The following KLHL1 variants were observed in gnomAD, a reference collection of about 807,000 sequenced individuals.
KLHL1 encodes the protein kelch like family member 1.
KLHL1 carries 47 observed loss-of-function variants against 77.7 expected under a neutral mutation model. That is an observed-to-expected ratio of 0.60 (90% CI 0.48 to 0.77). The LOEUF (loss-of-function observed/expected upper bound fraction) is 0.77, where lower values mean the gene tolerates loss of function less well. Ranked by LOEUF, KLHL1 falls within the 30% of genes least tolerant of loss-of-function variation. KLHL1 has a pLI of 0.00. For missense variants in KLHL1, 925 were observed against 910.8 expected, an observed-to-expected ratio of 1.02 and a Z score of -0.20; for synonymous variants, 360 against 325.2, an observed-to-expected ratio of 1.11 and a Z score of -1.15.
intron 1 of KLHL1, among the ~76,000 whole-genome samples, chr13:69,987,630 C>G (rs1224552230): frequency 6.6e-6 from 1 of 151,914 alleles, no homozygotes; most frequent in Non-Finnish European, 1.5e-5. Context: ...AGAAGGACTA[C>G]TAAAGAACTC....
At chr13:70,077,755 AT>A (rs1240767633) in intron 1 of KLHL1, among the ~76,000 whole-genome samples, 1 of 152,052 alleles carries the variant, frequency 6.6e-6, no homozygotes, top group Non-Finnish European at 1.5e-5. Flanking sequence ...GCTTTTAAAA[AT>A]GTATTAATTT....
At chr13:69,869,123 A>G (rs1214243822) in intron 5 of KLHL1, among the ~76,000 whole-genome samples, 1 of 152,156 alleles carries the variant, frequency 6.6e-6, no homozygotes, top group African/African-American at 2.4e-5. Context: ...ATTGGTTGTA[A>G]TATAAAAGAA....
chr13:69,950,502 A>C (rs1473036339), intron 3 of KLHL1, among the ~76,000 whole-genome samples: 1 of 151,602 alleles, frequency 6.6e-6, no homozygotes, highest in East Asian at 1.9e-4. Context: ...ACTCTCACTA[A>C]TTTCCATGGA....
At chr13:70,052,059 T>C (rs1209551163) in intron 1 of KLHL1, among the ~76,000 whole-genome samples, 2 of 151,948 alleles carry the variant, frequency 1.3e-5, no homozygotes, top group Non-Finnish European at 2.9e-5. Context: ...AATATTTATC[T>C]TAGATCTTTA....
At chr13:69,986,077 A>G (rs1351125883) in intron 1 of KLHL1, among the ~76,000 whole-genome samples, 1 of 151,654 alleles carries the variant, frequency 6.6e-6, no homozygotes, top group African/African-American at 2.4e-5. Flanking sequence ...TAAACCAAGT[A>G]CTGAAGGACC....
intron 4 of KLHL1, among the ~76,000 whole-genome samples, chr13:69,920,787 C>A (rs1882606675): frequency 6.6e-6 from 1 of 152,020 alleles, no homozygotes; most frequent in Non-Finnish European, 1.5e-5. Context: ...AGAAGGTCAG[C>A]AAAAATATGT....
chr13:69,795,224 TTC>T (rs1237148719), intron 7 of KLHL1, among the ~76,000 whole-genome samples: 2 of 152,186 alleles, frequency 1.3e-5, no homozygotes, highest in African/African-American at 4.8e-5. Context: ...TCATCTTTCC[TTC>T]TCTCTCTCTT....
At chr13:70,057,407 A>G (rs1886767235) in intron 1 of KLHL1, among the ~76,000 whole-genome samples, 2 of 148,610 alleles carry the variant, frequency 1.3e-5, no homozygotes, top group Admixed American at 1.4e-4. Context: ...ATAAGGAGGG[A>G]ATACTTCCAA....
At chr13:69,785,403 C>T (rs1876481231) in intron 7 of KLHL1, among the ~76,000 whole-genome samples, 1 of 152,150 alleles carries the variant, frequency 6.6e-6, no homozygotes, top group South Asian at 2.1e-4. Flanking sequence ...TCCTCAATGA[C>T]TACTGGGTAC....
intron 5 of KLHL1, among the ~76,000 whole-genome samples, chr13:69,863,161 T>C (rs1880237678): frequency 6.6e-6 from 1 of 152,146 alleles, no homozygotes; most frequent in Non-Finnish European, 1.5e-5. Flanking sequence ...CTTATGTAGT[T>C]GTATTGGCAT....
intron 7 of KLHL1, among the ~76,000 whole-genome samples, chr13:69,790,429 C>T (rs1351385700): frequency 6.6e-6 from 1 of 152,104 alleles, no homozygotes; most frequent in Admixed American, 6.5e-5. Context: ...TATGAGAAAA[C>T]ATTTCCCAAT....
At chr13:69,839,198 T>A (rs201601494) in intron 5 of KLHL1, 36 bp from the exon 6 acceptor site, 2 of 1,372,170 alleles carry the variant, frequency 1.5e-6, no homozygotes, top group Non-Finnish European at 2.0e-6. Flanking sequence ...AATAATGTTT[T>A]CAAAGAGATG....
At chr13:69,867,964 G>T (rs148295240) in intron 5 of KLHL1, among the ~76,000 whole-genome samples, 15,789 of 151,710 alleles carry the variant, frequency 0.1, 1,311 homozygotes, top group African/African-American at 0.23. Flanking sequence ...TAACTAACCT[G>T]CACGTTGTGC....
At chr13:70,019,443 T>A (rs993511755) in intron 1 of KLHL1, among the ~76,000 whole-genome samples, 1 of 150,690 alleles carries the variant, frequency 6.6e-6, no homozygotes, top group Non-Finnish European at 1.5e-5. Context: ...CTTATCTCAG[T>A]GAAGAGGCAG....
intron 1 of KLHL1, among the ~76,000 whole-genome samples, chr13:69,979,943 C>G (rs932359036): frequency 6.6e-6 from 1 of 152,308 alleles, no homozygotes; most frequent in South Asian, 2.1e-4. Context: ...TCCTGACCCT[C>G]CAAATACTCC....
chr13:69,725,325 G>C (rs1195267545), intron 8 of KLHL1, among the ~76,000 whole-genome samples: 1 of 152,100 alleles, frequency 6.6e-6, no homozygotes, highest in African/African-American at 2.4e-5. Context: ...TCCCAAAGTG[G>C]AGTCCCAGTT....
At chr13:69,945,716 AAC>A (rs1233929418) in intron 3 of KLHL1, among the ~76,000 whole-genome samples, 1 of 152,172 alleles carries the variant, frequency 6.6e-6, no homozygotes, top group Non-Finnish European at 1.5e-5. Context: ...GACATGCCAC[AAC>A]ACCTCTATTA....
chr13:69,899,049 AGG>A (rs1881759807), intron 4 of KLHL1, among the ~76,000 whole-genome samples: 1 of 151,432 alleles, frequency 6.6e-6, no homozygotes, highest in East Asian at 1.9e-4. Context: ...TCCTCTACAA[AGG>A]GTGTCTAGAG....
At chr13:69,710,019 T>C (rs1875806253) in intron 9 of KLHL1, among the ~76,000 whole-genome samples, 1 of 151,742 alleles carries the variant, frequency 6.6e-6, no homozygotes, top group African/African-American at 2.4e-5. Context: ...ATGTTAAATA[T>C]TGTCTGCAAA....
Sources: gnomAD v4.1 joint callset for allele counts (sites outside exome capture counted in the v4.1 genomes callset) on GRCh38, gnomAD v4.1.1 for gene constraint, MANE v1.5 for transcripts, NCBI Gene and HGNC (gene_info 2026-07-23, HGNC 2026-07-21) for gene names.